IQSEC1: variants seen among roughly 807,000 people sequenced by gnomAD.
IQSEC1 encodes IQ motif and SEC7 domain-containing protein 1.
In IQSEC1, 31 loss-of-function variants were observed where a neutral mutation model predicts 91.0. The observed-to-expected ratio is 0.34, with a 90% CI of 0.26 to 0.46. IQSEC1 has a LOEUF of 0.46. IQSEC1 is among the 20% of genes least tolerant of loss of function. The probability of loss-of-function intolerance (pLI) is 1.00; values close to 1 mark genes in which losing one functional copy is unlikely to be tolerated. For synonymous variants in IQSEC1, 699 were observed against 662.6 expected, an observed-to-expected ratio of 1.05 and a Z score of -0.84; for missense variants, 1,388 against 1,575.6, an observed-to-expected ratio of 0.88 and a Z score of 2.02.
chr3:13,215,433 C>T (rs953808422), intron 1 of IQSEC1, among the ~76,000 whole-genome samples: 2 of 152,044 alleles, frequency 1.3e-5, no homozygotes, highest in African/African-American at 4.8e-5. Flanking sequence ...GAAGGGCAGC[C>T]TCAGGCTCCC....
At chr3:13,043,197 C>A (rs776105224) in intron 1 of IQSEC1, among the ~76,000 whole-genome samples, 1 of 152,212 alleles carries the variant, frequency 6.6e-6, no homozygotes, top group African/African-American at 2.4e-5. Context: ...GACAACCAGG[C>A]GCATTGTTGG....
chr3:13,180,007 G>A (rs933493445), intron 1 of IQSEC1, among the ~76,000 whole-genome samples: 4 of 151,152 alleles, frequency 2.6e-5, no homozygotes, highest in Middle Eastern at 3.4e-3. Context: ...CCCCCTCTCC[G>A]TGGGCTCCTG....
intron 1 of IQSEC1, among the ~76,000 whole-genome samples, chr3:13,277,537 T>G (rs1169374400): frequency 6.6e-6 from 1 of 152,220 alleles, no homozygotes; most frequent in African/African-American, 2.4e-5. Context: ...CCCTCGTCTT[T>G]CTGTGGACTC....
intron 1 of IQSEC1, among the ~76,000 whole-genome samples, chr3:12,962,631 G>C (rs1013747276): frequency 2.0e-5 from 3 of 152,336 alleles, no homozygotes; most frequent in Non-Finnish European, 4.4e-5. Flanking sequence ...TGTCATGTTC[G>C]CATGGGTCCC....
chr3:12,943,702 G>A (rs1203410700), intron 1 of IQSEC1, among the ~76,000 whole-genome samples: 8 of 152,194 alleles, frequency 5.3e-5, no homozygotes, highest in Non-Finnish European at 1.0e-4. Context: ...TGCTCCTCAC[G>A]AGGCCTGCAG....
At position 13,259,192 on chromosome 3, in the gene IQSEC1, TG is replaced by T. The variant is rs1368810938; in HGVS notation, c.272+23518del. Among the ~76,000 whole-genome samples, 1 of 152,130 alleles carries T rather than the reference TG, an allele frequency of 6.6e-6. No individual in the cohort carries two copies. The highest frequency in any genetic ancestry group is 1.5e-5 in the Non-Finnish European group (1 of 67,978). ...GCTCCACCTCCACCACCCTCTGCCA[TG>T]CAGGCCCTGGGACGGGACAGTTTCC... On this transcript the variant is annotated intron_variant, in intron 1 of 15. Coordinates refer to the IQSEC1 transcript ENST00000648114. The surrounding 1 kb of genome is among the most constrained non-coding windows in gnomAD (Gnocchi z 4.6).
chr3:12,938,837 G>A (rs1254472168), intron 2 of IQSEC1, among the ~76,000 whole-genome samples: 1 of 152,132 alleles, frequency 6.6e-6, no homozygotes, highest in Non-Finnish European at 1.5e-5. Context: ...TGTGTGTTGG[G>A]GGCGAAGGGA....
chr3:13,175,815 C>T (rs927748576), intron 1 of IQSEC1, among the ~76,000 whole-genome samples: 22 of 152,210 alleles, frequency 1.4e-4, no homozygotes, highest in African/African-American at 5.3e-4. Context: ...GCAGCTGGCT[C>T]TCCAAACAGG....
intron 12 of IQSEC1, among the ~76,000 whole-genome samples, chr3:12,904,725 G>A (rs1211614478): frequency 1.3e-5 from 2 of 152,156 alleles, no homozygotes; most frequent in Non-Finnish European, 2.9e-5. Context: ...CTAACGCCTG[G>A]GACTCCTCTG....
chr3:13,003,042 A>G (rs540549226), intron 1 of IQSEC1, among the ~76,000 whole-genome samples: 7 of 152,358 alleles, frequency 4.6e-5, no homozygotes, highest in Non-Finnish European at 1.0e-4. Flanking sequence ...CCATAGTAGT[A>G]GTATTTACAA....
chr3:13,261,347 T>C (rs1410081024), intron 1 of IQSEC1, among the ~76,000 whole-genome samples: 2 of 152,178 alleles, frequency 1.3e-5, no homozygotes, highest in Non-Finnish European at 2.9e-5. Context: ...CTTCAGAGCC[T>C]TCCCAGCTCC....
At chr3:13,226,379 A>G (rs561218742) in intron 1 of IQSEC1, among the ~76,000 whole-genome samples, 1 of 152,284 alleles carries the variant, frequency 6.6e-6, no homozygotes, top group East Asian at 1.9e-4. Context: ...ATCATTGTTC[A>G]TTCACTCAAC....
At chr3:13,230,212 G>C (rs1694819553) in intron 1 of IQSEC1, among the ~76,000 whole-genome samples, 1 of 152,210 alleles carries the variant, frequency 6.6e-6, no homozygotes, top group East Asian at 1.9e-4. Flanking sequence ...CCCGAAGAAA[G>C]ATGGGTGCCC....
At chr3:12,905,771 C>T (rs946032232) in intron 12 of IQSEC1, among the ~76,000 whole-genome samples, 1 of 152,248 alleles carries the variant, frequency 6.6e-6, no homozygotes, top group African/African-American at 2.4e-5. Context: ...CTGCTGCAGG[C>T]AGGTCCTCTC....
At chr3:12,987,876 C>T (rs891409721) in intron 1 of IQSEC1, among the ~76,000 whole-genome samples, 2 of 152,184 alleles carry the variant, frequency 1.3e-5, no homozygotes, top group Non-Finnish European at 2.9e-5. Context: ...CAAACCACAG[C>T]AAGAAACCAT....
At chr3:13,173,596 G>A (rs1273164955) in intron 1 of IQSEC1, among the ~76,000 whole-genome samples, 1 of 152,202 alleles carries the variant, frequency 6.6e-6, no homozygotes, top group Non-Finnish European at 1.5e-5. Context: ...GACAATCCCA[G>A]AGGGCTTGTC....
chr3:13,016,559 C>T (rs1186481640), intron 1 of IQSEC1, among the ~76,000 whole-genome samples: 2 of 152,196 alleles, frequency 1.3e-5, no homozygotes, highest in African/African-American at 2.4e-5. Flanking sequence ...CTGCTCCTCC[C>T]GCCCTCTCGA....
At chr3:13,052,938 A>G in intron 1 of IQSEC1, 3 of 1,005,678 alleles carry the variant, frequency 3.0e-6, no homozygotes, top group Non-Finnish European at 4.7e-6. Flanking sequence ...AGACAGCATC[A>G]ATATGTGTGC....
intron 1 of IQSEC1, among the ~76,000 whole-genome samples, chr3:12,991,863 ACAG>A (rs1173107144): frequency 6.6e-6 from 1 of 150,826 alleles, no homozygotes; most frequent in African/African-American, 2.5e-5. Flanking sequence ...TGGTGTGGGG[ACAG>A]CAGGCATGGG....
Sources: gnomAD v4.1 joint callset for allele counts (sites outside exome capture counted in the v4.1 genomes callset) on GRCh38, gnomAD v4.1.1 for gene constraint, Gnocchi (gnomAD v3.1) non-coding constraint, MANE v1.5 for transcripts, NCBI Gene and HGNC (gene_info 2026-07-23, HGNC 2026-07-21) for gene names.